The following GABRB3 variants were observed in gnomAD, a reference collection of about 807,000 sequenced individuals.
GABRB3 encodes gamma-aminobutyric acid type A receptor subunit beta3, also known as gamma-aminobutyric acid receptor subunit beta-3.
In GABRB3, 14 loss-of-function variants were observed where a neutral mutation model predicts 52.1. The ratio of observed to expected loss-of-function variants is 0.27; its 90% CI spans 0.18 to 0.42. The LOEUF is 0.42. Ranked by LOEUF, GABRB3 falls within the 10% of genes least tolerant of loss-of-function variation. GABRB3 has a pLI of 1.00. For missense variants in GABRB3, 307 were observed against 609.1 expected (o/e 0.50, Z 5.22); for synonymous variants, 260 against 232.3 (o/e 1.12, Z -1.08).
At chr15:26,673,497 G>A (rs1887962581) in intron 3 of GABRB3, among the ~76,000 whole-genome samples, 1 of 152,172 alleles carries the variant, frequency 6.6e-6, no homozygotes, top group Non-Finnish European at 1.5e-5. Context: ...TAAGGTACTT[G>A]GAGTATAGTA....
At chr15:26,553,711 C>T (rs1470870358) in intron 8 of GABRB3, among the ~76,000 whole-genome samples, 1 of 151,990 alleles carries the variant, frequency 6.6e-6, no homozygotes, top group Non-Finnish European at 1.5e-5. Context: ...TTCATTAAAA[C>T]ATTACCATGT....
intron 4 of GABRB3, chr15:26,614,590 C>T (rs1474455484): frequency 1.3e-5 from 2 of 151,980 alleles, no homozygotes; most frequent in East Asian, 3.9e-4. Context: ...GGTGACAAAA[C>T]AAGGGTTTGG....
At chr15:26,551,413 C>T (rs1422699475) in intron 8 of GABRB3, among the ~76,000 whole-genome samples, 4 of 152,186 alleles carry the variant, frequency 2.6e-5, no homozygotes, top group South Asian at 2.1e-4. Context: ...ACTGCTCCCT[C>T]GGCCACTGCA....
intron 6 of GABRB3, among the ~76,000 whole-genome samples, chr15:26,575,565 C>T (rs1024690880): frequency 2.6e-5 from 4 of 152,102 alleles, no homozygotes; most frequent in Admixed American, 6.5e-5. Context: ...TAATTGGATC[C>T]TAGGCTTTAG....
chr15:26,644,221 C>G (rs1354056722), intron 3 of GABRB3, among the ~76,000 whole-genome samples: 1 of 152,228 alleles, frequency 6.6e-6, no homozygotes, highest in Non-Finnish European at 1.5e-5. Flanking sequence ...CACTAAAAAT[C>G]TCAGTCTTCC....
chr15:26,759,611 T>C (rs1335516865), intron 3 of GABRB3, among the ~76,000 whole-genome samples: 1 of 152,224 alleles, frequency 6.6e-6, no homozygotes, highest in Non-Finnish European at 1.5e-5. Context: ...CTTAAAATTA[T>C]CTGCATTAAA....
At chr15:26,734,363 G>A (rs1198286046) in intron 3 of GABRB3, among the ~76,000 whole-genome samples, 3 of 151,886 alleles carry the variant, frequency 2.0e-5, no homozygotes, top group Non-Finnish European at 4.4e-5. Flanking sequence ...AAAACACAGG[G>A]CAAAATCTTC....
chr15:26,596,342 T>A (rs985928294), intron 4 of GABRB3, among the ~76,000 whole-genome samples: 1 of 152,056 alleles, frequency 6.6e-6, no homozygotes, highest in Admixed American at 6.6e-5. Flanking sequence ...GAAAAAGCAA[T>A]GTACATGTGC....
chr15:26,650,049 G>A (rs116209628), intron 3 of GABRB3, among the ~76,000 whole-genome samples: 3,290 of 152,176 alleles, frequency 0.022, 114 homozygotes, highest in African/African-American at 0.075. Flanking sequence ...CAGCAAGTTT[G>A]TGTAGCCTTG....
chr15:26,653,151 A>C (rs763908095), intron 3 of GABRB3, among the ~76,000 whole-genome samples: 2 of 152,144 alleles, frequency 1.3e-5, no homozygotes, highest in Non-Finnish European at 2.9e-5. Context: ...TGGATAACAG[A>C]CCTTTCCCAA....
intron 3 of GABRB3, among the ~76,000 whole-genome samples, chr15:26,726,601 C>A (rs1325973160): frequency 6.6e-6 from 1 of 152,078 alleles, no homozygotes; most frequent in African/African-American, 2.4e-5. Flanking sequence ...TTTAGGATAG[C>A]CTGATGTTTC....
intron 8 of GABRB3, among the ~76,000 whole-genome samples, chr15:26,548,969 C>A (rs1889359406): frequency 6.6e-6 from 1 of 152,110 alleles, no homozygotes; most frequent in Non-Finnish European, 1.5e-5. Flanking sequence ...CCTGCCACAG[C>A]CCCAAGGACC....
chr15:26,642,663 C>CCG (rs1893234592), intron 3 of GABRB3: 25 of 418,742 alleles, frequency 6.0e-5, no homozygotes, highest in Admixed American at 2.3e-4. Context: ...GTGTACCCCC[C>CCG]CGCACACACA....
chr15:26,642,923 G>A (rs146683293), intron 3 of GABRB3, among the ~76,000 whole-genome samples: 29 of 152,084 alleles, frequency 1.9e-4, no homozygotes, highest in Admixed American at 5.2e-4. Flanking sequence ...CTACTACACC[G>A]GTATTGCCAG....
chr15:26,609,392 T>C (rs1273924385), intron 4 of GABRB3, among the ~76,000 whole-genome samples: 2 of 152,160 alleles, frequency 1.3e-5, no homozygotes, highest in African/African-American at 2.4e-5. Context: ...GAACGTAGAT[T>C]CATTATGTGA....
chr15:26,579,963 T>C (rs1261930433), intron 6 of GABRB3, among the ~76,000 whole-genome samples: 1 of 152,196 alleles, frequency 6.6e-6, no homozygotes. Context: ...ACCTACCTCC[T>C]CTGGTCATCC....
At chr15:26,575,072 G>A (rs1291462135) in intron 6 of GABRB3, among the ~76,000 whole-genome samples, 1 of 152,052 alleles carries the variant, frequency 6.6e-6, no homozygotes, top group Non-Finnish European at 1.5e-5. Context: ...TCATGATTCT[G>A]TAATCAGAGA....
At chr15:26,664,704 G>GTTTTTTTTTTTTTTTTTTTTTGT (rs1162139952) in intron 3 of GABRB3, among the ~76,000 whole-genome samples, 1 of 95,224 alleles carries the variant, frequency 1.1e-5, no homozygotes, top group Non-Finnish European at 1.9e-5. Flanking sequence ...TCTTTTCTTT[G>GTTTTTTTTTTTTTTTTTTTTTGT]TTTTTTTTTT....
chr15:26,761,597 A>G (rs996074682), intron 3 of GABRB3, among the ~76,000 whole-genome samples: 14 of 152,128 alleles, frequency 9.2e-5, no homozygotes, highest in Non-Finnish European at 1.8e-4. Context: ...ACCTGTGTAT[A>G]TAATAGAATA....
Sources: gnomAD v4.1 joint callset for allele counts (sites outside exome capture counted in the v4.1 genomes callset) on GRCh38, gnomAD v4.1.1 for gene constraint, MANE v1.5 for transcripts, NCBI Gene and HGNC (gene_info 2026-07-23, HGNC 2026-07-21) for gene names.